OPCML: variants seen among roughly 807,000 people sequenced by gnomAD.
OPCML encodes the protein opioid binding protein/cell adhesion molecule like, also known as opioid-binding protein/cell adhesion molecule.
Under a neutral mutation model 37.8 loss-of-function variants are expected in OPCML, and 13 were observed. That is an observed-to-expected ratio of 0.34 (90% CI 0.22 to 0.55). The LOEUF (loss-of-function observed/expected upper bound fraction) is 0.55. Ranked by LOEUF, OPCML falls within the 20% of genes least tolerant of loss-of-function variation. OPCML has a pLI of 0.91. For missense variants in OPCML, 341 were observed against 435.6 expected (o/e 0.78, Z 1.93); for synonymous variants, 176 against 168.8 (o/e 1.04, Z -0.33).
At position 133,211,014 on chromosome 11, in the gene OPCML, T is replaced by C. The variant is rs1565506562; in HGVS notation, c.62-268004A>G. Among the ~76,000 whole-genome samples the C allele has an allele frequency of 6.6e-6, 1 of 152,050 alleles. No individual in the cohort carries two copies. The highest frequency in any genetic ancestry group is 1.9e-4 in the East Asian group (1 of 5,178). ...AAGGATTTAGCTGAAAAACAAAAAT[T>C]AAAAAAATGTGCAGAGAAGTCTCTC... is the stretch of plus-strand genomic sequence containing the variant. On this transcript the variant is annotated intron_variant, in intron 1 of 7. Transcript: ENST00000524381. The surrounding 1 kb of genome is among the most constrained non-coding windows in gnomAD (Gnocchi z 4.1).
chr11:133,059,952 T>A (rs1040222013), intron 1 of OPCML, among the ~76,000 whole-genome samples: 1 of 152,184 alleles, frequency 6.6e-6, no homozygotes, highest in Non-Finnish European at 1.5e-5. Flanking sequence ...TCAGCTACTA[T>A]TATCTTTACA....
intron 1 of OPCML, among the ~76,000 whole-genome samples, chr11:133,470,424 A>G (rs916664115): frequency 2.0e-5 from 3 of 152,206 alleles, no homozygotes; most frequent in Non-Finnish European, 4.4e-5. Flanking sequence ...AGAGAAGCTG[A>G]CCAGAGGGTG....
At chr11:133,460,819 A>G (rs997730836) in intron 1 of OPCML, among the ~76,000 whole-genome samples, 3 of 151,934 alleles carry the variant, frequency 2.0e-5, no homozygotes, top group African/African-American at 7.2e-5. Flanking sequence ...AATGCTTCCT[A>G]ATTCTCTAGA....
At chr11:132,480,353 G>A (rs1754564332) in intron 4 of OPCML, among the ~76,000 whole-genome samples, 1 of 152,196 alleles carries the variant, frequency 6.6e-6, no homozygotes, top group Admixed American at 6.5e-5. Context: ...AAGCCTTGAA[G>A]AAATATGGGA....
intron 4 of OPCML, among the ~76,000 whole-genome samples, chr11:132,462,890 G>T (rs1284201660): frequency 6.6e-6 from 1 of 152,194 alleles, no homozygotes; most frequent in Non-Finnish European, 1.5e-5. Flanking sequence ...AGGGACAGGG[G>T]TAGCAAGGAT....
intron 2 of OPCML, among the ~76,000 whole-genome samples, chr11:132,886,773 C>A (rs947553196): frequency 6.6e-6 from 1 of 152,212 alleles, no homozygotes; most frequent in African/African-American, 2.4e-5. Context: ...GATGTCCCTG[C>A]AGCATCTTTG....
chr11:133,374,411 T>C (rs185910077), intron 1 of OPCML, among the ~76,000 whole-genome samples: 1 of 152,312 alleles, frequency 6.6e-6, no homozygotes, highest in East Asian at 1.9e-4. Flanking sequence ...CTATATTGGT[T>C]GTGATGATCA....
chr11:133,078,655 G>T (rs143830357), intron 1 of OPCML, among the ~76,000 whole-genome samples: 22 of 152,118 alleles, frequency 1.4e-4, no homozygotes, highest in African/African-American at 4.8e-4. Context: ...GACAACCCTG[G>T]AAATCACCTC....
chr11:132,686,792 T>G (rs966574929), intron 2 of OPCML, among the ~76,000 whole-genome samples: 2 of 152,140 alleles, frequency 1.3e-5, no homozygotes, highest in Non-Finnish European at 2.9e-5. Flanking sequence ...AATGCCCTAT[T>G]CTGGACACAT....
At chr11:132,897,104 C>T (rs1261246130) in intron 2 of OPCML, among the ~76,000 whole-genome samples, 1 of 152,186 alleles carries the variant, frequency 6.6e-6, no homozygotes, top group Non-Finnish European at 1.5e-5. Flanking sequence ...GCTGCTCTTC[C>T]TCTTGGGCCA....
At chr11:132,664,916 G>A (rs553105990) in intron 2 of OPCML, among the ~76,000 whole-genome samples, 2 of 152,332 alleles carry the variant, frequency 1.3e-5, no homozygotes, top group Admixed American at 1.3e-4. Context: ...AGGGATAAGA[G>A]CTACTTAAGG....
At chr11:133,496,115 A>C (rs1331594270) in intron 1 of OPCML, among the ~76,000 whole-genome samples, 1 of 152,160 alleles carries the variant, frequency 6.6e-6, no homozygotes, top group Non-Finnish European at 1.5e-5. Flanking sequence ...ATTCTCCTAC[A>C]TGTGGCTAGC....
intron 3 of OPCML, among the ~76,000 whole-genome samples, chr11:132,553,596 G>A (rs1362976220): frequency 6.6e-6 from 1 of 152,056 alleles, no homozygotes; most frequent in African/African-American, 2.4e-5. Flanking sequence ...GGCAAGATAT[G>A]GCTAATTATA....
chr11:133,407,183 T>G (rs928222104), intron 1 of OPCML, among the ~76,000 whole-genome samples: 1 of 152,180 alleles, frequency 6.6e-6, no homozygotes, highest in African/African-American at 2.4e-5. Context: ...GAATAATCCA[T>G]AGAATAAATT....
intron 1 of OPCML, among the ~76,000 whole-genome samples, chr11:132,951,314 G>A (rs980214590): frequency 2.6e-5 from 4 of 152,170 alleles, no homozygotes; most frequent in Admixed American, 6.5e-5. Flanking sequence ...CTGAGATCAG[G>A]GTGCCAGCGT....
At chr11:132,803,324 T>A (rs909823442) in intron 2 of OPCML, among the ~76,000 whole-genome samples, 1 of 152,210 alleles carries the variant, frequency 6.6e-6, no homozygotes, top group African/African-American at 2.4e-5. Context: ...CATTCTAGCA[T>A]ATATTATTCC....
intron 2 of OPCML, chr11:132,772,734 TGACTCCACA>T (rs1307671425): frequency 6.6e-6 from 1 of 152,242 alleles, no homozygotes; most frequent in Non-Finnish European, 1.5e-5. Flanking sequence ...TTCCAGAAAA[TGACTCCACA>T]GCTTAAATAA....
At chr11:133,328,478 T>A (rs1358004165) in intron 1 of OPCML, among the ~76,000 whole-genome samples, 1 of 152,092 alleles carries the variant, frequency 6.6e-6, no homozygotes, top group Admixed American at 6.6e-5. Context: ...ATTGATATAA[T>A]CAGAGTAAAA....
At chr11:133,152,577 C>G (rs970271293) in intron 1 of OPCML, among the ~76,000 whole-genome samples, 11 of 151,910 alleles carry the variant, frequency 7.2e-5, no homozygotes, top group Admixed American at 7.2e-4. Flanking sequence ...TGATCCCCCC[C>G]CAACCTCCAC....
Sources: gnomAD v4.1 joint callset for allele counts (sites outside exome capture counted in the v4.1 genomes callset) on GRCh38, gnomAD v4.1.1 for gene constraint, Gnocchi (gnomAD v3.1) non-coding constraint, MANE v1.5 for transcripts, NCBI Gene and HGNC (gene_info 2026-07-23, HGNC 2026-07-21) for gene names.